The following USP5 variants were observed in gnomAD, a reference collection of about 807,000 sequenced individuals.
USP5 encodes ubiquitin carboxyl-terminal hydrolase 5.
In USP5, 24 loss-of-function variants were observed where a neutral mutation model predicts 102.5. The ratio of observed to expected loss-of-function variants is 0.23; its 90% CI spans 0.17 to 0.33. The LOEUF is 0.33. USP5 is among the 10% of genes least tolerant of loss of function. The pLI, the probability that USP5 is intolerant of heterozygous loss-of-function variation, is 1.00. For synonymous variants in USP5, 460 were observed against 434.8 expected, an observed-to-expected ratio of 1.06 and a Z score of -0.72; for missense variants, 753 against 1,122.1, an observed-to-expected ratio of 0.67 and a Z score of 4.70.
In USP5 at chr12:6,856,827, G is replaced by C; in HGVS notation, c.705G>C (p.Glu235Asp). The C allele has an allele frequency of 6.2e-7, 1 of 1,614,166 alleles. No homozygotes were observed. The highest frequency in any genetic ancestry group is 1.1e-5 in the South Asian group (1 of 91,082). ...GTGGGGGCAACAACCACGCTGTGGA[G>C]CACTACCGAGAGACAGGCTACCCGT... is the stretch of plus-strand genomic sequence containing the variant. ...DGSGGNNHAV[E>D]HYRETGYPLA... is the part of the protein sequence containing the mutation. Residue 235 changes from glutamate to aspartate, a missense_variant, in exon 6 of 20, where the codon GAG becomes GAC. Glu to Asp is a conservative substitution (Grantham distance 45). Around this residue, in one of 3 missense-constraint regions of USP5, gnomAD observed 527 missense variants for 816.5 expected, o/e 0.65. Transcript: ENST00000229268. This position sits in a 1 kb window ranked among gnomAD's most constrained non-coding sequence, Gnocchi z 5.6.
intron 6 of USP5, 91 bp from the exon 7 acceptor site, chr12:6,857,538 C>T: frequency 9.4e-7 from 1 of 1,068,604 alleles, no homozygotes; most frequent in South Asian, 1.3e-5. Flanking sequence ...CTCCTTCTGT[C>T]CCCTCAAGTC....
chr12:6,856,072 G>A lies in USP5; in HGVS notation c.360G>A (p.Val120=), dbSNP rs375906700. 1.9e-6 allele frequency: 3 copies of A among 1,614,076 alleles called. No individual in the cohort carries two copies. The highest frequency in any genetic ancestry group is 1.3e-5 in the African/African-American group (1 of 74,930). ...AGAAGTTTGAATTAGACGAGGATGT[G>A]AAGATTGTCATTTTGCCAGATTACC... is the stretch of plus-strand genomic sequence containing the variant. ...SEEKFELDED[V]KIVILPDYLE... Residue 120 remains valine, a synonymous_variant, in exon 4 of 20, where the codon GTG becomes GTA. Coordinates refer to ENST00000229268, the MANE Select transcript of USP5 (RefSeq NM_001098536.2). The surrounding 1 kb of genome is among the most constrained non-coding windows in gnomAD (Gnocchi z 5.6).
Position 6,864,453 on chromosome 12 carries a change from G to A in USP5, c.2244+258G>A, listed in dbSNP as rs1944369147. Among the ~76,000 whole-genome samples the A allele has an allele frequency of 6.6e-6, 1 of 152,204 alleles. No homozygotes were observed. The highest frequency in any genetic ancestry group is 2.4e-5 in the African/African-American group (1 of 41,436). On this transcript the variant is annotated intron_variant, in intron 17 of 19. Coordinates refer to ENST00000229268, the MANE Select transcript of USP5 (RefSeq NM_001098536.2). The surrounding 1 kb of genome is among the most constrained non-coding windows in gnomAD (Gnocchi z 4.8). ...GCCTGTAATCCCAGCACTTTGGGAG[G>A]GTGAGGTGGGCGGATCACGCGGTCA...
chr12:6,858,543 C>T lies in USP5; in HGVS notation c.984C>T (p.Ile328=). Residue 328 remains isoleucine, a synonymous_variant, in exon 8 of 20, where the codon ATC becomes ATT. Transcript: ENST00000229268. This position sits in a 1 kb window ranked among gnomAD's most constrained non-coding sequence, Gnocchi z 4.2. ...TGTTTGGGCCTGGCTACACAGGCAT[C>T]CGGAACCTGGGTAACAGCTGCTACC... The part of the protein sequence containing the change: ...KPLFGPGYTG[I]RNLGNSCYLN... 1.2e-6 allele frequency: 2 copies of T among 1,613,866 alleles called. No individual in the cohort carries two copies. Among genetic ancestry groups the T allele is most frequent in the Non-Finnish European group, 8.5e-7 (1 of 1,179,748 alleles).
Position 6,863,952 on chromosome 12 carries a change from A to G in USP5, c.2077A>G (p.Met693Val). 1 of 1,567,344 alleles carries G rather than the reference A, an allele frequency of 6.4e-7. No homozygotes were observed. Among genetic ancestry groups the G allele is most frequent in the Non-Finnish European group, 8.7e-7 (1 of 1,150,848 alleles). The change falls in exon 16 of 20, where the codon ATG (methionine) becomes GTG (valine). Residue 693 changes from methionine (M) to valine (V), a missense_variant. Coordinates refer to ENST00000229268, the MANE Select transcript of USP5 (RefSeq NM_001098536.2). This position sits in a 1 kb window ranked among gnomAD's most constrained non-coding sequence, Gnocchi z 4.7. ...SGAEAAMNWV[M>V]SHMDDPDFAN... Reference sequence around the variant, plus strand: ...GGCTGAGGCCGCCATGAACTGGGTCATGTCACACATGGATGATCCAGGTAG... The same window carrying G: ...GGCTGAGGCCGCCATGAACTGGGTCGTGTCACACATGGATGATCCAGGTAG...
rs1323908983 is a variant in USP5, at chr12:6,864,693, A to G, written c.2245-29A>G. The G allele has an allele frequency of 6.3e-7, 1 of 1,591,668 alleles. No homozygotes were observed. The highest frequency in any genetic ancestry group is 1.3e-5 in the African/African-American group (1 of 74,788). On this transcript the variant is annotated intron_variant, in intron 17 of 19. Coordinates refer to ENST00000229268, the MANE Select transcript of USP5 (RefSeq NM_001098536.2). The surrounding 1 kb of genome is among the most constrained non-coding windows in gnomAD (Gnocchi z 4.8). ...GACAGAGCAAGACTCCGTCTCAAGA[A>G]AAAAAGTAATGCTTCCTTCCTCTCC...
Position 6,861,471 on chromosome 12 carries a change from G to A in USP5, c.1527G>A (p.Lys509=), listed in dbSNP as rs117876102. Residue 509 remains lysine, a synonymous_variant, in exon 13 of 20, where the codon AAG becomes AAA. Coordinates refer to ENST00000229268, the MANE Select transcript of USP5 (RefSeq NM_001098536.2). This position sits in a 1 kb window ranked among gnomAD's most constrained non-coding sequence, Gnocchi z 4.9. ...KEELLEYEEK[K]RQAEEEKMAL... The stretch of plus-strand genomic sequence containing the variant: ...AGCTTCTGGAGTACGAGGAGAAGAA[G>A]CGGCAAGCCGAAGAGGAGAAGATGG... The A allele has an allele frequency of 9.0e-4, 1,432 of 1,585,942 alleles. 16 individuals carry two copies. The East Asian group carries it at 0.023, about 26-fold the overall frequency.
chr12:6,855,957 A>C lies in USP5; in HGVS notation c.305-60A>C, dbSNP rs868906353. On this transcript the variant is annotated intron_variant, in intron 3 of 19. Coordinates refer to ENST00000229268, the MANE Select transcript of USP5 (RefSeq NM_001098536.2). The surrounding 1 kb of genome is among the most constrained non-coding windows in gnomAD (Gnocchi z 4.6). ...TGGGGCAAGTGAGGTGCTGGCTCGG[A>C]GGAGGGACATTGACCTGTTGTCATT... 6.2e-7 allele frequency: 1 copy of C among 1,608,472 alleles called. No homozygotes were observed. The highest frequency in any genetic ancestry group is 1.7e-4 in the Middle Eastern group (1 of 6,048).
chr12:6,858,726 T>G lies in USP5; in HGVS notation c.1058+109T>G. 8 of 1,066,854 alleles carry G rather than the reference T, an allele frequency of 7.5e-6. No homozygotes were observed. Among genetic ancestry groups the G allele is most frequent in the Non-Finnish European group, 1.1e-5 (8 of 748,218 alleles). 66.1% of individuals were successfully genotyped at this position (1,066,854 alleles called of 1,614,324 possible). On this transcript the variant is annotated intron_variant, in intron 8 of 19. Transcript: ENST00000229268. The surrounding 1 kb of genome is among the most constrained non-coding windows in gnomAD (Gnocchi z 4.2). ...TCTGTGTTTGATTCTAGTCTTAGAG[T>G]AGTTCCTATCGGCTGGGTGTGTTGG...
intron 9 of USP5, among the ~76,000 whole-genome samples, 180 bp downstream of exon 9, chr12:6,859,721 C>T (rs935892304): frequency 1.4e-4 from 21 of 152,144 alleles, no homozygotes; most frequent in Non-Finnish European, 4.4e-5. Context: ...GGCGCGATCT[C>T]GGCTCACTAC....
chr12:6,856,895 C>G lies in USP5; in HGVS notation c.769+4C>G, dbSNP rs1056421193. 2.7e-5 allele frequency: 43 copies of G among 1,611,750 alleles called. No individual in the cohort carries two copies. The highest frequency in any genetic ancestry group is 3.6e-5 in the Non-Finnish European group (43 of 1,178,506). On this transcript the variant is annotated splice_donor_region_variant and intron_variant, in intron 6 of 19. Transcript: ENST00000229268. The surrounding 1 kb of genome is among the most constrained non-coding windows in gnomAD (Gnocchi z 5.6). The stretch of plus-strand genomic sequence containing the variant: ...ACCATCACCCCTGATGGAGCTGGTA[C>G]AGCCTCCCCTCCTCCAGCCACTCTC...
chr12:6,864,976 GCTT>G lies in USP5; in HGVS notation c.2398+105_2398+107del, dbSNP rs1944391615. 1 of 1,490,626 alleles carries G rather than the reference GCTT, an allele frequency of 6.7e-7. No individual in the cohort carries two copies. Among genetic ancestry groups the G allele is most frequent in the African/African-American group, 1.4e-5 (1 of 71,990 alleles). 92.3% of individuals were successfully genotyped at this position (1,490,626 alleles called of 1,614,324 possible). On this transcript the variant is annotated intron_variant, in intron 18 of 19. Coordinates refer to ENST00000229268, the MANE Select transcript of USP5 (RefSeq NM_001098536.2). This position sits in a 1 kb window ranked among gnomAD's most constrained non-coding sequence, Gnocchi z 4.8. The stretch of plus-strand genomic sequence containing the variant: ...GCTCTGCCCTCCTCAGGAGTCAGGG[GCTT>G]CTTTCCACCTCAACGTGGCATCTGA...
intron 1 of USP5, among the ~76,000 whole-genome samples, chr12:6,852,782 C>G (rs1424613775): frequency 6.6e-6 from 1 of 152,006 alleles, no homozygotes; most frequent in Admixed American, 6.6e-5. Flanking sequence ...TCAAGAAGTC[C>G]GATTCTGAGA....
intron 8 of USP5, 39 bp from the exon 9 acceptor site, chr12:6,859,431 G>A: frequency 1.2e-6 from 2 of 1,607,360 alleles, no homozygotes; most frequent in Non-Finnish European, 1.7e-6. Flanking sequence ...TCGGCGCTCA[G>A]GCCAGAGCCC....
rs1555130092 is a variant in USP5 at position 6,863,834 on chromosome 12, C to A, written c.1959C>A (p.Pro653=). The change falls in exon 16 of 20, where the codon CCC becomes CCA. Residue 653 remains proline, a synonymous_variant. Coordinates refer to ENST00000229268, the MANE Select transcript of USP5 (RefSeq NM_001098536.2). This position sits in a 1 kb window ranked among gnomAD's most constrained non-coding sequence, Gnocchi z 4.7. The stretch of plus-strand genomic sequence containing the variant: ...TACCCACAATTCCCATTACAGCGCC[C>A]ATGCTGGATGAATCAGTCATCATCC... ...CSPHFSSPTS[P]MLDESVIIQL... is the part of the protein sequence containing the mutation. 3 of 1,582,110 alleles carry A rather than the reference C, an allele frequency of 1.9e-6. No homozygotes were observed. Among genetic ancestry groups the A allele is most frequent in the East Asian group, 2.2e-5 (1 of 44,458 alleles).
intron 19 of USP5, among the ~76,000 whole-genome samples, chr12:6,865,608 A>T (rs917393391): frequency 3.3e-5 from 5 of 152,108 alleles, no homozygotes. Context: ...ACCTGGACAC[A>T]CTTGTTTATG....
Position 6,855,608 on chromosome 12 carries a change from C to A in USP5, c.237+82C>A. ...TATTGGACTCAGTTTCTTTTTTTCA[C>A]CTACTTTTGTGTCATTAAAGCTTGG... On this transcript the variant is annotated intron_variant, in intron 2 of 19. Coordinates refer to ENST00000229268, the MANE Select transcript of USP5 (RefSeq NM_001098536.2). The surrounding 1 kb of genome is among the most constrained non-coding windows in gnomAD (Gnocchi z 4.6). 6.3e-7 allele frequency: 1 copy of A among 1,588,124 alleles called. No homozygotes were observed. Among genetic ancestry groups the A allele is most frequent in the Non-Finnish European group, 8.6e-7 (1 of 1,168,458 alleles).
Position 6,858,409 on chromosome 12 carries a change from C to A in USP5, c.865-15C>A, listed in dbSNP as rs782431587. ...TGAGTTTCTCACTCAGTCTGAAGTG[C>A]CCCTTCTCACACAGACAGACAAGAC... On this transcript the variant is annotated splice_polypyrimidine_tract_variant and intron_variant, in intron 7 of 19. Transcript: ENST00000229268. The surrounding 1 kb of genome is among the most constrained non-coding windows in gnomAD (Gnocchi z 4.2). The A allele has an allele frequency of 3.1e-6, 5 of 1,591,228 alleles. No individual in the cohort carries two copies. The highest frequency in any genetic ancestry group is 4.3e-6 in the Non-Finnish European group (5 of 1,160,702).
chr12:6,855,898 G>T lies in USP5; in HGVS notation c.304+77G>T, dbSNP rs1298202702. On this transcript the variant is annotated intron_variant, in intron 3 of 19. Transcript: ENST00000229268. The surrounding 1 kb of genome is among the most constrained non-coding windows in gnomAD (Gnocchi z 4.6). Reference sequence around the variant, plus strand: ...TCAGCAGCACCAGGAAAGCCCCAAAGAGTGGGCCTGATTGATGGCCCTAGA... The same window carrying T: ...TCAGCAGCACCAGGAAAGCCCCAAATAGTGGGCCTGATTGATGGCCCTAGA... 2 of 1,609,286 alleles carry T rather than the reference G, an allele frequency of 1.2e-6. No individual in the cohort carries two copies. Among genetic ancestry groups the T allele is most frequent in the Middle Eastern group, 1.6e-4 (1 of 6,076 alleles).
Sources: allele counts gnomAD v4.1 joint callset (sites outside exome capture counted in the v4.1 genomes callset), GRCh38; gene constraint gnomAD v4.1.1; regional missense constraint gnomAD v4.1.1; non-coding constraint Gnocchi (gnomAD v3.1); transcripts MANE v1.5; gene names NCBI Gene and HGNC (gene_info 2026-07-23, HGNC 2026-07-21).